Variants in CACNA1E observed in about 807,000 individuals in gnomAD.
The protein encoded by CACNA1E is voltage-dependent R-type calcium channel subunit alpha-1E.
In CACNA1E, 40 loss-of-function variants were observed where a neutral mutation model predicts 259.2. The ratio of observed to expected loss-of-function variants is 0.15; its 90% CI spans 0.12 to 0.20. The LOEUF is 0.20. Ranked by LOEUF, CACNA1E falls within the 10% of genes least tolerant of loss-of-function variation. The probability of loss-of-function intolerance (pLI) is 1.00; values close to 1 mark genes in which losing one functional copy is unlikely to be tolerated. For missense variants in CACNA1E, 1,874 were observed against 3,040.1 expected, an observed-to-expected ratio of 0.62 and a Z score of 9.02; for synonymous variants, 1,104 against 1,138.5, an observed-to-expected ratio of 0.97 and a Z score of 0.61.
chr1:181,601,933 T>C (rs772578060), intron 6 of CACNA1E, among the ~76,000 whole-genome samples: 1 of 152,204 alleles, frequency 6.6e-6, no homozygotes, highest in Non-Finnish European at 1.5e-5. Context: ...TTGCTGCAGA[T>C]GACATGTTGG....
At chr1:181,553,192 A>T (rs189875128) in intron 3 of CACNA1E, among the ~76,000 whole-genome samples, 58 of 152,288 alleles carry the variant, frequency 3.8e-4, no homozygotes, top group Admixed American at 7.8e-4. Flanking sequence ...AGTGGTTTGT[A>T]GTTCTCCTTG....
Position 181,407,676 on chromosome 1 carries a change from G to A in CACNA1E, c.-14-5457G>A, listed in dbSNP as rs549772283. On this transcript the variant is annotated intron_variant, in intron 1 of 11. Coordinates refer to the CACNA1E transcript ENST00000524607. ...TTACTCCTCCTTTTTCAGTCAGGTA[G>A]CAGGCTGGCTCAGCTAAGAAAAATC... is the stretch of plus-strand genomic sequence containing the variant. Among the ~76,000 whole-genome samples, 3 of 152,250 alleles carry A rather than the reference G, an allele frequency of 2.0e-5. No homozygotes were observed. In the South Asian group the frequency reaches 6.2e-4, roughly 32 times the overall value.
At chr1:181,651,102 AGT>A (rs1447900189) in intron 6 of CACNA1E, among the ~76,000 whole-genome samples, 1 of 152,198 alleles carries the variant, frequency 6.6e-6, no homozygotes, top group African/African-American at 2.4e-5. Flanking sequence ...GCTAAGCAAG[AGT>A]GTGAGAATAT....
intron 3 of CACNA1E, among the ~76,000 whole-genome samples, chr1:181,552,225 T>G (rs1304928971): frequency 1.3e-5 from 2 of 152,188 alleles, no homozygotes; most frequent in African/African-American, 4.8e-5. Flanking sequence ...TGTAGCCCCC[T>G]CCTCACACCC....
At chr1:181,504,491 A>C (rs937853327) in intron 1 of CACNA1E, among the ~76,000 whole-genome samples, 1 of 152,150 alleles carries the variant, frequency 6.6e-6, no homozygotes, top group African/African-American at 2.4e-5. Context: ...GGTGATAGAG[A>C]TGCATGTTTG....
chr1:181,631,903 G>A (rs1656782736), intron 6 of CACNA1E, among the ~76,000 whole-genome samples: 1 of 152,152 alleles, frequency 6.6e-6, no homozygotes, highest in Non-Finnish European at 1.5e-5. Flanking sequence ...CATAAGCCCA[G>A]GGAGATCAGA....
chr1:181,470,987 G>A (rs1052281731), intron 2 of CACNA1E, among the ~76,000 whole-genome samples: 5 of 152,172 alleles, frequency 3.3e-5, no homozygotes, highest in Admixed American at 2.0e-4. Flanking sequence ...CACAGTTACG[G>A]AGCCTGGGAA....
chr1:181,628,560 G>T (rs971993940), intron 6 of CACNA1E, among the ~76,000 whole-genome samples: 2 of 152,180 alleles, frequency 1.3e-5, no homozygotes, highest in African/African-American at 2.4e-5. Flanking sequence ...AAAATTGGCT[G>T]CAGTTAGGGC....
intron 6 of CACNA1E, among the ~76,000 whole-genome samples, chr1:181,630,393 C>G (rs928971489): frequency 7.0e-6 from 1 of 143,262 alleles, no homozygotes; most frequent in South Asian, 2.3e-4. Context: ...TGCCCCCCCA[C>G]CCCGCCTTAA....
intron 6 of CACNA1E, among the ~76,000 whole-genome samples, chr1:181,614,892 T>C (rs1284039579): frequency 1.3e-5 from 2 of 152,210 alleles, no homozygotes; most frequent in African/African-American, 2.4e-5. Flanking sequence ...TCCAAATTTT[T>C]TTTCCAATAT....
intron 45 of CACNA1E, 74 bp downstream of exon 45, chr1:181,793,867 A>T: frequency 6.7e-7 from 1 of 1,490,852 alleles, no homozygotes; most frequent in Non-Finnish European, 9.0e-7. Context: ...AATATCTGAT[A>T]TTTGCAGGTG....
intron 2 of CACNA1E, among the ~76,000 whole-genome samples, chr1:181,444,982 T>C (rs1264885514): frequency 6.6e-6 from 1 of 152,238 alleles, no homozygotes; most frequent in Non-Finnish European, 1.5e-5. Context: ...CTCACATCTC[T>C]GGCTCACTGA....
intron 35 of CACNA1E, among the ~76,000 whole-genome samples, chr1:181,771,079 T>G (rs1659465069): frequency 6.6e-6 from 1 of 152,192 alleles, no homozygotes; most frequent in African/African-American, 2.4e-5. Context: ...CCTTGCTGCA[T>G]GGGTCCCCTT....
chr1:181,457,534 A>G (rs2877623), intron 2 of CACNA1E, among the ~76,000 whole-genome samples: 88,082 of 152,124 alleles, frequency 0.58, 27,142 homozygotes, highest in African/African-American at 0.8. Context: ...AGACATTACT[A>G]TGACTGGTCT....
upstream of CACNA1E, among the ~76,000 whole-genome samples, chr1:181,479,589 CT>C (rs1167153417): frequency 6.6e-6 from 1 of 152,146 alleles, no homozygotes; most frequent in African/African-American, 2.4e-5. Context: ...TGGTCATGAA[CT>C]TTTTCTGAGG....
chr1:181,617,992 C>T (rs1421324702), intron 6 of CACNA1E, among the ~76,000 whole-genome samples: 1 of 152,074 alleles, frequency 6.6e-6, no homozygotes, highest in African/African-American at 2.4e-5. Context: ...TTTTCAAAGA[C>T]TCCAAAGTTG....
At chr1:181,426,664 C>T (rs1248553424) in intron 2 of CACNA1E, among the ~76,000 whole-genome samples, 1 of 144,356 alleles carries the variant, frequency 6.9e-6, no homozygotes. Flanking sequence ...CATCTCTACC[C>T]CTTTACAATT....
chr1:181,496,363 TGG>T (rs949817636), intron 1 of CACNA1E, among the ~76,000 whole-genome samples: 6 of 152,194 alleles, frequency 3.9e-5, no homozygotes, highest in Non-Finnish European at 7.3e-5. Flanking sequence ...TGAACAAAAA[TGG>T]TAGCAAAAAA....
In CACNA1E at chr1:181,758,612, A is replaced by G; in HGVS notation, c.4495-146A>G. Reference sequence around the variant, plus strand: ...GGTAGAATATGTGGTTCTCCTCTCCAGCACTCGAAGTCCATCTCTCCTCCT... The same window carrying G: ...GGTAGAATATGTGGTTCTCCTCTCCGGCACTCGAAGTCCATCTCTCCTCCT... On this transcript the variant is annotated intron_variant, in intron 31 of 47. Transcript: ENST00000367573. The surrounding 1 kb of genome is among the most constrained non-coding windows in gnomAD (Gnocchi z 4.2). The G allele has an allele frequency of 1.8e-6, 1 of 560,296 alleles. No homozygotes were observed. The highest frequency in any genetic ancestry group is 3.2e-6 in the Non-Finnish European group (1 of 316,030). The allele number at this position is 560,296 out of a possible 1,614,324, so 34.7% of individuals were successfully genotyped here. A position where few individuals can be genotyped will look rare whatever the true frequency, so the allele number is the denominator to read the frequency against.
Sources: gnomAD v4.1 joint callset for allele counts (sites outside exome capture counted in the v4.1 genomes callset) on GRCh38, gnomAD v4.1.1 for gene constraint, Gnocchi (gnomAD v3.1) non-coding constraint, MANE v1.5 for transcripts, NCBI Gene and HGNC (gene_info 2026-07-23, HGNC 2026-07-21) for gene names.